ZNF197: variants seen among roughly 807,000 people sequenced by gnomAD.
ZNF197 encodes the protein zinc finger protein 197, also known as VHL-associated KRAB-A domain-containing protein.
In ZNF197, 14 loss-of-function variants were observed where a neutral mutation model predicts 27.4. The observed-to-expected ratio is 0.51, with a 90% CI of 0.34 to 0.80. ZNF197 has a LOEUF of 0.80. ZNF197 is among the 30% of genes least tolerant of loss of function. ZNF197 has a pLI of 0.02. For synonymous variants in ZNF197, 415 were observed against 420.0 expected, an observed-to-expected ratio of 0.99 and a Z score of 0.15; for missense variants, 1,090 against 1,222.6, an observed-to-expected ratio of 0.89 and a Z score of 1.62.
intron 5 of ZNF197, among the ~76,000 whole-genome samples, chr3:44,638,635 C>G (rs1272521760): frequency 1.3e-5 from 2 of 152,308 alleles, no homozygotes; most frequent in Non-Finnish European, 2.9e-5. Context: ...CAAGAGCAGA[C>G]AGCCTTTTCT....
chr3:44,629,067 C>T lies in ZNF197; in HGVS notation c.-81-7C>T. ...AACTTTAACAATGATTTCTTGAGGT[C>T]TTGTAGATGATACTCTCCAAGCTGT... On this transcript the variant is annotated splice_region_variant and splice_polypyrimidine_tract_variant and intron_variant, in intron 1 of 5. Coordinates refer to ENST00000344387, the MANE Select transcript of ZNF197 (RefSeq NM_006991.5). The T allele has an allele frequency of 1.3e-6, 2 of 1,513,854 alleles. No individual in the cohort carries two copies. Among genetic ancestry groups the T allele is most frequent in the Non-Finnish European group, 8.8e-7 (1 of 1,134,748 alleles). The allele number at this position is 1,513,854 out of a possible 1,614,324, so 93.8% of individuals were successfully genotyped here.
rs749069151 is a variant in ZNF197, at chr3:44,645,830, G to T, written c.*1610G>T. 10 of 985,332 alleles carry T rather than the reference G, an allele frequency of 1.0e-5. No homozygotes were observed. The highest frequency in any genetic ancestry group is 6.1e-5 in the Admixed American group (1 of 16,264). The allele number at this position is 985,332 out of a possible 1,614,324, so 61.0% of individuals were successfully genotyped here. On this transcript the variant is annotated 3_prime_UTR_variant, in exon 6 of 6. Coordinates refer to ENST00000344387, the MANE Select transcript of ZNF197 (RefSeq NM_006991.5). ...CCAGTGCAGAATCCACTTGTGGGCAGTCAGTGCCCATTACCCCCTGTGAAC... is the reference window on the plus strand; with the variant it reads ...CCAGTGCAGAATCCACTTGTGGGCATTCAGTGCCCATTACCCCCTGTGAAC...
At chr3:44,632,423 A>G (rs760306940) in intron 4 of ZNF197, 50 bp from the exon 5 acceptor site, 3 of 1,546,834 alleles carry the variant, frequency 1.9e-6, no homozygotes, top group Non-Finnish European at 2.6e-6. Flanking sequence ...GAACCTTTCG[A>G]CAGGCAAGTT....
Position 44,642,696 on chromosome 3 carries a change from G to C in ZNF197, c.1566G>C (p.Lys522Asn). The C allele has an allele frequency of 1.9e-6, 3 of 1,613,974 alleles. No homozygotes were observed. Among genetic ancestry groups the C allele is most frequent in the East Asian group, 4.5e-5 (2 of 44,880 alleles). Reference protein sequence around the residue: ...CNKCQKAFILKKSLILHQRIH... With the variant: ...CNKCQKAFILNKSLILHQRIH... ...AGTGTCAGAAAGCTTTCATTCTGAA[G>C]AAGAGCCTCATTCTGCACCAGAGAA... is the stretch of plus-strand genomic sequence containing the variant. Residue 522 changes from lysine (K) to asparagine (N), a missense_variant, in exon 6 of 6, where the codon AAG (lysine) becomes AAC (asparagine). By Grantham distance (94) the Lys-to-Asn change is moderately conservative (BLOSUM62 0). Transcript: ENST00000344387.
intron 1 of ZNF197, among the ~76,000 whole-genome samples, 178 bp downstream of exon 1, chr3:44,625,321 CCGGCCCGA>C (rs1357821812): frequency 6.6e-6 from 1 of 152,222 alleles, no homozygotes; most frequent in Non-Finnish European, 1.5e-5. Flanking sequence ...GGGCAGGCAG[CCGGCCCGA>C]GGGAAGTACT....
In ZNF197 at chr3:44,646,059, G is replaced by A; in HGVS notation, c.*1839G>A. 1 of 985,276 alleles carries A rather than the reference G, an allele frequency of 1.0e-6. No homozygotes were observed. Among genetic ancestry groups the A allele is most frequent in the Non-Finnish European group, 1.2e-6 (1 of 829,886 alleles). 61.0% of individuals were successfully genotyped at this position (985,276 alleles called of 1,614,324 possible). ...TTAATTCAACCCCACAGTTTCTTGGGGGCTGGTTCCTCATTAGAGTGAAAG... is the reference window on the plus strand; with the variant it reads ...TTAATTCAACCCCACAGTTTCTTGGAGGCTGGTTCCTCATTAGAGTGAAAG... On this transcript the variant is annotated 3_prime_UTR_variant, in exon 6 of 6. Transcript: ENST00000344387.
chr3:44,644,746 G>T lies in ZNF197; in HGVS notation c.*526G>T. On this transcript the variant is annotated 3_prime_UTR_variant, in exon 6 of 6. Coordinates refer to ENST00000344387, the MANE Select transcript of ZNF197 (RefSeq NM_006991.5). ...AATAAAAAGTAGACATGGGCTGGGT[G>T]CAGTGGCTCACTCCTGTAGTCCCAG... The T allele has an allele frequency of 1.0e-6, 1 of 985,792 alleles. No homozygotes were observed. Among genetic ancestry groups the T allele is most frequent in the Non-Finnish European group, 1.2e-6 (1 of 830,220 alleles). The allele number at this position is 985,792 out of a possible 1,614,324, so 61.1% of individuals were successfully genotyped here. A position where few individuals can be genotyped will look rare whatever the true frequency, so the allele number is the denominator to read the frequency against.
chr3:44,631,824 C>G (rs1033251906), intron 3 of ZNF197, among the ~76,000 whole-genome samples: 2 of 152,132 alleles, frequency 1.3e-5, no homozygotes, highest in African/African-American at 2.4e-5. Context: ...CCTCAGCCTC[C>G]CGAGTACCTG....
intron 1 of ZNF197, among the ~76,000 whole-genome samples, chr3:44,627,477 C>G (rs1315983206): frequency 1.3e-5 from 2 of 152,068 alleles, no homozygotes; most frequent in Non-Finnish European, 2.9e-5. Context: ...TTCTTTCTTC[C>G]TGGAATGGCT....
Position 44,626,657 on chromosome 3 carries a change from G to A in ZNF197, c.-82+1514G>A, listed in dbSNP as rs114267597. On this transcript the variant is annotated intron_variant, in intron 1 of 5. Transcript: ENST00000344387. ...TCAAAATGCAAGTCAAAAATTTGGC[G>A]AAGAGCACAAACTTTGAGAAACATA... 8.8e-3 allele frequency among the ~76,000 whole-genome samples: 1,342 copies of A among 152,280 alleles called. 22 individuals are homozygous for A. Among genetic ancestry groups the A allele is most frequent in the African/African-American group, 0.031 (1,284 of 41,562 alleles).
Position 44,645,248 on chromosome 3 carries a change from T to C in ZNF197, c.*1028T>C, listed in dbSNP as rs1484605533. 1.8e-5 allele frequency: 18 copies of C among 985,344 alleles called. No individual in the cohort carries two copies. The highest frequency in any genetic ancestry group is 2.2e-5 in the Non-Finnish European group (18 of 829,872). The allele number at this position is 985,344 out of a possible 1,614,324, so 61.0% of individuals were successfully genotyped here. Reference sequence around the variant, plus strand: ...CTTTTTGAAATCATTCAGTTGTCAATAAAGTTGGATAAAAGAGGTTATGGT... The same window carrying C: ...CTTTTTGAAATCATTCAGTTGTCAACAAAGTTGGATAAAAGAGGTTATGGT... On this transcript the variant is annotated 3_prime_UTR_variant, in exon 6 of 6. Coordinates refer to ENST00000344387, the MANE Select transcript of ZNF197 (RefSeq NM_006991.5).
rs1271159488 is a variant in ZNF197, at chr3:44,644,863, AAAT to A, written c.*646_*648del. The A allele has an allele frequency of 1.0e-6, 1 of 960,644 alleles. No homozygotes were observed. The allele number at this position is 960,644 out of a possible 1,614,324, so 59.5% of individuals were successfully genotyped here. A position where few individuals can be genotyped will look rare whatever the true frequency, so the allele number is the denominator to read the frequency against. ...GGGGAGACCCGTCTTTAGTAAATAA[AAAT>A]AAATTTATTAATAAAACTAAAAATT... On this transcript the variant is annotated 3_prime_UTR_variant, in exon 6 of 6. Coordinates refer to ENST00000344387, the MANE Select transcript of ZNF197 (RefSeq NM_006991.5).
chr3:44,626,299 A>G lies in ZNF197; in HGVS notation c.-82+1156A>G, dbSNP rs113583963. Among the ~76,000 whole-genome samples, 684 of 146,128 alleles carry G rather than the reference A, an allele frequency of 4.7e-3. 4 individuals carry two copies. Among genetic ancestry groups the G allele is most frequent in the African/African-American group, 0.016 (637 of 39,164 alleles). The stretch of plus-strand genomic sequence containing the variant: ...CTTGATATCCAGCCCTCCCACCCCC[A>G]CCATTTCTCACTAATAGAGTCCTGA... On this transcript the variant is annotated intron_variant, in intron 1 of 5. Transcript: ENST00000344387.
Position 44,645,530 on chromosome 3 carries a change from CAATT to C in ZNF197, c.*1311_*1314del, listed in dbSNP as rs1157144288. On this transcript the variant is annotated 3_prime_UTR_variant, in exon 6 of 6. Coordinates refer to ENST00000344387, the MANE Select transcript of ZNF197 (RefSeq NM_006991.5). ...CCATTAACAGTGATGCCAAGGAAAA[CAATT>C]TATTTCCCAGCTTTTGAATTTGAAA... 1.0e-6 allele frequency: 1 copy of C among 985,050 alleles called. No homozygotes were observed. The highest frequency in any genetic ancestry group is 1.2e-6 in the Non-Finnish European group (1 of 829,886). 61.0% of individuals were successfully genotyped at this position (985,050 alleles called of 1,614,324 possible).
At chr3:44,628,999 G>A (rs1701824317) in intron 1 of ZNF197, 75 bp from the exon 2 acceptor site, 3 of 1,104,976 alleles carry the variant, frequency 2.7e-6, no homozygotes, top group Admixed American at 2.5e-5. Flanking sequence ...GAGCTGACTG[G>A]GAGCTGACTG....
Position 44,644,361 on chromosome 3 carries a change from G to C in ZNF197, c.*141G>C. On this transcript the variant is annotated 3_prime_UTR_variant, in exon 6 of 6. Coordinates refer to ENST00000344387, the MANE Select transcript of ZNF197 (RefSeq NM_006991.5). The stretch of plus-strand genomic sequence containing the variant: ...GCATATAGAAGAAAGTTAATAGGCC[G>C]GGCTTGGTGGCTCATGCCTGTAATC... 1 of 1,405,858 alleles carries C rather than the reference G, an allele frequency of 7.1e-7. No individual in the cohort carries two copies. The highest frequency in any genetic ancestry group is 9.2e-7 in the Non-Finnish European group (1 of 1,088,474). 87.1% of individuals were successfully genotyped at this position (1,405,858 alleles called of 1,614,324 possible).
Position 44,632,200 on chromosome 3 carries a change from AGGTTT to A in ZNF197, c.642+6_642+10del, listed in dbSNP as rs1347906534. The A allele has an allele frequency of 1.2e-5, 20 of 1,613,930 alleles. No homozygotes were observed. The highest frequency in any genetic ancestry group is 5.0e-5 in the Admixed American group (3 of 59,994). On this transcript the variant is annotated splice_donor_5th_base_variant and intron_variant, in intron 4 of 5. Coordinates refer to ENST00000344387, the MANE Select transcript of ZNF197 (RefSeq NM_006991.5). The stretch of plus-strand genomic sequence containing the variant: ...GCTCCTAACAGCCCAGCCCCAGGTA[AGGTTT>A]GCATCCTCTTTCCTTCCCATCTGCA...
chr3:44,641,526 TAAAG>T (rs1702600121), intron 5 of ZNF197, among the ~76,000 whole-genome samples: 2 of 152,214 alleles, frequency 1.3e-5, no homozygotes, highest in South Asian at 2.1e-4. Flanking sequence ...AAGAAAATAA[TAAAG>T]AAAGTTACTT....
intron 5 of ZNF197, among the ~76,000 whole-genome samples, chr3:44,634,094 G>A (rs868131406): frequency 6.6e-6 from 1 of 152,246 alleles, no homozygotes. Context: ...GAACACACAG[G>A]AGAGCCAATT....
Sources: gnomAD v4.1 joint callset for allele counts (sites outside exome capture counted in the v4.1 genomes callset) on GRCh38, gnomAD v4.1.1 for gene constraint, MANE v1.5 for transcripts, NCBI Gene and HGNC (gene_info 2026-07-23, HGNC 2026-07-21) for gene names.